Variants in SBF2 observed in about 807,000 individuals in gnomAD.
The protein encoded by SBF2 is SET binding factor 2.
A neutral mutation model predicts 225.2 loss-of-function variants in SBF2; 112 were observed. That is an observed-to-expected ratio of 0.50 (90% CI 0.43 to 0.58). The LOEUF (loss-of-function observed/expected upper bound fraction) is 0.58, where lower values mean the gene tolerates loss of function less well. Ranked by LOEUF, SBF2 falls within the 20% of genes least tolerant of loss-of-function variation. The pLI is 0.00. For missense variants in SBF2, 1,996 were observed against 2,206.2 expected, an observed-to-expected ratio of 0.90 and a Z score of 1.91; for synonymous variants, 763 against 773.3, an observed-to-expected ratio of 0.99 and a Z score of 0.22.
At chr11:9,867,736 G>A (rs1858351889) in intron 17 of SBF2, among the ~76,000 whole-genome samples, 3 of 152,096 alleles carry the variant, frequency 2.0e-5, no homozygotes, top group African/African-American at 7.2e-5. Context: ...TGGAACTGGA[G>A]GTCATTATGT....
intron 22 of SBF2, among the ~76,000 whole-genome samples, chr11:9,847,325 G>A (rs1421523344): frequency 6.6e-6 from 1 of 152,096 alleles, no homozygotes; most frequent in East Asian, 1.9e-4. Context: ...TAGAAGGAAT[G>A]AGGCAAGAAC....
intron 2 of SBF2, among the ~76,000 whole-genome samples, chr11:10,075,086 T>C (rs1462963480): frequency 6.6e-6 from 1 of 152,232 alleles, no homozygotes; most frequent in East Asian, 1.9e-4. Context: ...ATTTATCAGA[T>C]ATACTGAAAA....
chr11:10,290,732 A>C (rs879784225), intron 1 of SBF2, among the ~76,000 whole-genome samples: 1 of 152,198 alleles, frequency 6.6e-6, no homozygotes, highest in Non-Finnish European at 1.5e-5. Context: ...TTTGACTGAA[A>C]TTGGAGGTAT....
At chr11:10,270,883 T>C (rs1962424207) in intron 1 of SBF2, among the ~76,000 whole-genome samples, 1 of 150,756 alleles carries the variant, frequency 6.6e-6, no homozygotes, top group African/African-American at 2.4e-5. Flanking sequence ...TAGTCCCAGC[T>C]ACTGGGGAGG....
intron 39 of SBF2, 54 bp downstream of exon 39, chr11:9,781,449 GAGAC>G (rs1852000007): frequency 5.6e-6 from 9 of 1,606,134 alleles, no homozygotes; most frequent in African/African-American, 1.3e-5. Flanking sequence ...ATCATTCTTG[GAGAC>G]AGACAGAATG....
At chr11:10,058,349 A>G (rs541698164) in intron 2 of SBF2, among the ~76,000 whole-genome samples, 2 of 152,346 alleles carry the variant, frequency 1.3e-5, no homozygotes, top group African/African-American at 4.8e-5. Flanking sequence ...GAAAAACACA[A>G]TATAAGAATT....
At chr11:10,101,241 C>T (rs187710255) in intron 2 of SBF2, among the ~76,000 whole-genome samples, 122 of 152,256 alleles carry the variant, frequency 8.0e-4, no homozygotes, top group Middle Eastern at 3.4e-3. Flanking sequence ...AATTACCATT[C>T]GGAGGTCATC....
At chr11:9,952,871 T>C (rs1193424924) in intron 16 of SBF2, among the ~76,000 whole-genome samples, 2 of 152,150 alleles carry the variant, frequency 1.3e-5, no homozygotes, top group African/African-American at 4.8e-5. Context: ...ATGGCCATAA[T>C]CAAAAAATAA....
upstream of SBF2, among the ~76,000 whole-genome samples, chr11:10,295,151 T>A (rs1366494428): frequency 1.3e-5 from 2 of 152,248 alleles, no homozygotes; most frequent in Non-Finnish European, 2.9e-5. Context: ...TTTGGAAATC[T>A]CCGTGGTTTA....
At chr11:10,225,867 G>A (rs757859469) in intron 1 of SBF2, among the ~76,000 whole-genome samples, 4 of 152,056 alleles carry the variant, frequency 2.6e-5, no homozygotes, top group Non-Finnish European at 4.4e-5. Context: ...AAAGAAAAAA[G>A]CACTCATATA....
At chr11:9,850,953 T>G (rs1040011995) in intron 21 of SBF2, among the ~76,000 whole-genome samples, 2 of 151,942 alleles carry the variant, frequency 1.3e-5, no homozygotes, top group Non-Finnish European at 2.9e-5. Context: ...CTGGCCAACA[T>G]AGTGAAACCC....
upstream of SBF2, among the ~76,000 whole-genome samples, chr11:10,298,797 C>T (rs1249368635): frequency 6.6e-6 from 1 of 152,170 alleles, no homozygotes; most frequent in African/African-American, 2.4e-5. Context: ...CAAATATGTC[C>T]GCTTCTCTCC....
chr11:10,156,430 G>A (rs75712699), intron 2 of SBF2, among the ~76,000 whole-genome samples: 4,375 of 152,282 alleles, frequency 0.029, 87 homozygotes, highest in Non-Finnish European at 0.045. Context: ...GGCATGAAGG[G>A]GCCGGTCCTC....
At chr11:9,818,413 T>C (rs1396579803) in intron 28 of SBF2, among the ~76,000 whole-genome samples, 2 of 152,222 alleles carry the variant, frequency 1.3e-5, no homozygotes, top group Non-Finnish European at 2.9e-5. Context: ...ATTCTCAAAT[T>C]TGACTAGCAC....
In SBF2 at chr11:9,935,125, G is replaced by A. The variant is rs117613044; in HGVS notation, c.1860+26832C>T. ...CAGCAGTGTCTCAGGATACAAAATC[G>A]ATGCGCAAAAATCACAAGCATTCTT... is the stretch of plus-strand genomic sequence containing the variant. On this transcript the variant is annotated intron_variant, in intron 16 of 39. Transcript: ENST00000256190. Among the ~76,000 whole-genome samples the A allele has an allele frequency of 4.3e-3, 656 of 152,096 alleles. 6 individuals carry two copies. Among genetic ancestry groups the A allele is most frequent in the South Asian group, 7.7e-3 (37 of 4,810 alleles).
At chr11:10,044,114 T>C (rs1949761838) in intron 2 of SBF2, among the ~76,000 whole-genome samples, 1 of 151,648 alleles carries the variant, frequency 6.6e-6, no homozygotes, top group African/African-American at 2.4e-5. Flanking sequence ...ACATCCAGAG[T>C]AAGCAAATAA....
At chr11:9,963,925 T>C in intron 14 of SBF2, 43 bp from the exon 15 acceptor site, 1 of 1,166,848 alleles carries the variant, frequency 8.6e-7, no homozygotes, top group Non-Finnish European at 1.3e-6. Flanking sequence ...ATTAAACTTC[T>C]TTGGTAATTA....
At position 10,292,675 on chromosome 11, in the gene SBF2, T is replaced by C. The variant is rs1214434132; in HGVS notation, c.55+1340A>G. ...GCGTGGGCAACAGAGCAAAACTCCG[T>C]CTCAAAAAAAAAAAAAAAAAAAATT... On this transcript the variant is annotated intron_variant, in intron 1 of 39. Coordinates refer to ENST00000256190, the MANE Select transcript of SBF2 (RefSeq NM_030962.4). Among the ~76,000 whole-genome samples, 3 of 74,550 alleles carry C rather than the reference T, an allele frequency of 4.0e-5. No homozygotes were observed. The East Asian group carries it at 1.5e-3, about 37-fold the overall frequency. 48.9% of individuals were successfully genotyped at this position (74,550 alleles called of 152,430 possible). A position where few individuals can be genotyped will look rare whatever the true frequency, so the allele number is the denominator to read the frequency against.
intron 13 of SBF2, among the ~76,000 whole-genome samples, chr11:9,988,446 C>G (rs1227489407): frequency 6.6e-6 from 1 of 152,116 alleles, no homozygotes; most frequent in African/African-American, 2.4e-5. Context: ...GCAAAAGGAA[C>G]AGTCAGCAGA....
Sources: gnomAD v4.1 joint callset for allele counts (sites outside exome capture counted in the v4.1 genomes callset) on GRCh38, gnomAD v4.1.1 for gene constraint, MANE v1.5 for transcripts, NCBI Gene and HGNC (gene_info 2026-07-23, HGNC 2026-07-21) for gene names.